ZNF618: variants seen among roughly 807,000 people sequenced by gnomAD.
ZNF618 encodes the protein neural precursor cell expressed, developmentally down-regulated 10.
ZNF618 carries 34 observed loss-of-function variants against 103.0 expected under a neutral mutation model. The observed-to-expected ratio is 0.33, with a 90% CI of 0.25 to 0.44. ZNF618 has a LOEUF of 0.44. ZNF618 is among the 20% of genes least tolerant of loss of function. The pLI is 1.00. For missense variants in ZNF618, 1,059 were observed against 1,295.4 expected, an observed-to-expected ratio of 0.82 and a Z score of 2.80; for synonymous variants, 551 against 542.2, an observed-to-expected ratio of 1.02 and a Z score of -0.23.
At chr9:113,889,405 G>A (rs1023475644) in intron 1 of ZNF618, among the ~76,000 whole-genome samples, 3 of 150,416 alleles carry the variant, frequency 2.0e-5, no homozygotes, top group African/African-American at 4.9e-5. Context: ...TATATGGCTA[G>A]ACTTCTTACG....
At position 113,968,045 on chromosome 9, in the gene ZNF618, G is replaced by C. The variant is rs540404818; in HGVS notation, c.34-1072G>C. 9.2e-5 allele frequency among the ~76,000 whole-genome samples: 14 copies of C among 152,258 alleles called. No individual in the cohort carries two copies. The South Asian group carries it at 2.9e-3, about 32-fold the overall frequency. Reference sequence around the variant, plus strand: ...ACTCATCAAAAGGTGTTTTATTTCAGGTCCTCAGTCCTTCATCCGCAATCC... The same window carrying C: ...ACTCATCAAAAGGTGTTTTATTTCACGTCCTCAGTCCTTCATCCGCAATCC... On this transcript the variant is annotated intron_variant, in intron 1 of 14. Transcript: ENST00000374126.
rs139394699 is a variant in ZNF618, at chr9:114,051,200, C to T, written c.*1033C>T. On this transcript the variant is annotated 3_prime_UTR_variant, in exon 15 of 15. Coordinates refer to ENST00000374126, the MANE Select transcript of ZNF618 (RefSeq NM_001318042.2). Reference sequence around the variant, plus strand: ...TTTTTTACTTGCCCCTTTTGTTCCTCAAGTCACACTGTAAACTAGCTCATC... The same window carrying T: ...TTTTTTACTTGCCCCTTTTGTTCCTTAAGTCACACTGTAAACTAGCTCATC... 6.5e-5 allele frequency: 10 copies of T among 152,672 alleles called. No homozygotes were observed. The highest frequency in any genetic ancestry group is 2.4e-4 in the African/African-American group (10 of 41,520). The allele number at this position is 152,672 out of a possible 1,614,324, so 9.5% of individuals were successfully genotyped here.
chr9:113,947,403 G>C (rs1835144284), intron 1 of ZNF618, among the ~76,000 whole-genome samples: 1 of 152,146 alleles, frequency 6.6e-6, no homozygotes, highest in South Asian at 2.1e-4. Flanking sequence ...GAGCACATGT[G>C]ATGGTGGGAA....
chr9:113,889,317 A>ATCTCTC (rs10627696), intron 1 of ZNF618, among the ~76,000 whole-genome samples: 26,989 of 139,172 alleles, frequency 0.19, 2,778 homozygotes, highest in Admixed American at 0.25. Context: ...CCCCGCTACC[A>ATCTCTC]TCTCTCTCTC....
At chr9:114,002,324 C>T (rs1401418642) in intron 5 of ZNF618, among the ~76,000 whole-genome samples, 3 of 152,212 alleles carry the variant, frequency 2.0e-5, no homozygotes, top group Non-Finnish European at 2.9e-5. Context: ...ACCCCCTGCT[C>T]CCCACTGGCC....
rs113425093 is a variant in ZNF618 at position 114,012,771 on chromosome 9, T to C, written c.755-3924T>C. On this transcript the variant is annotated intron_variant, in intron 9 of 14. Transcript: ENST00000374126. ...AGATGAAGATAATGAGAGGAAAATA[T>C]GATAAATGGGGAGAACAGGGAGCCG... is the stretch of plus-strand genomic sequence containing the variant. Among the ~76,000 whole-genome samples the C allele has an allele frequency of 3.7e-4, 56 of 152,268 alleles. 1 individual carries two copies. Among genetic ancestry groups the C allele is most frequent in the Non-Finnish European group, 7.9e-4 (54 of 68,014 alleles).
In ZNF618 at chr9:114,047,899, A is replaced by G. The variant is rs1050997053; in HGVS notation, c.1253A>G (p.Asn418Ser). The G allele has an allele frequency of 1.3e-5, 21 of 1,599,130 alleles. No homozygotes were observed. In the South Asian group the frequency reaches 1.7e-4, roughly 13 times the overall value. The change falls in exon 14 of 15, where the codon AAT becomes AGT. Residue 418 changes from asparagine (N) to serine (S), a missense_variant. Coordinates refer to ENST00000374126, the MANE Select transcript of ZNF618 (RefSeq NM_001318042.2). ...LEHMQSHAAD[N>S]ENNIASNQSR... ...GTCCCCTTTGTGCCCACAGCTGACA[A>G]TGAAAACAACATTGCCTCCAACCAG... is the stretch of plus-strand genomic sequence containing the variant.
chr9:113,998,193 C>T, intron 3 of ZNF618, 66 bp from the exon 4 acceptor site: 1 of 1,458,308 alleles, frequency 6.9e-7, no homozygotes, highest in Non-Finnish European at 9.4e-7. Context: ...CCAACTTCGC[C>T]CCTTCCCTAA....
intron 9 of ZNF618, chr9:114,016,212 AC>A (rs752781385): frequency 6.4e-7 from 1 of 1,569,666 alleles, no homozygotes; most frequent in Non-Finnish European, 8.8e-7. Flanking sequence ...GGAAGAAGTG[AC>A]CCCTGCTGCT....
chr9:113,931,125 G>T (rs1347705325), intron 1 of ZNF618, among the ~76,000 whole-genome samples: 1 of 152,234 alleles, frequency 6.6e-6, no homozygotes, highest in African/African-American at 2.4e-5. Flanking sequence ...ATGGTATGTT[G>T]AGTAAGGGCA....
intron 1 of ZNF618, among the ~76,000 whole-genome samples, chr9:113,966,842 A>G (rs1837449373): frequency 6.6e-6 from 1 of 152,236 alleles, no homozygotes; most frequent in South Asian, 2.1e-4. Context: ...GAGTCTCTGC[A>G]AAAGTATTTG....
At chr9:113,968,819 A>T (rs1837673947) in intron 1 of ZNF618, among the ~76,000 whole-genome samples, 1 of 152,216 alleles carries the variant, frequency 6.6e-6, no homozygotes. Flanking sequence ...TCTCAGATTT[A>T]GCTGGTTACT....
intron 1 of ZNF618, among the ~76,000 whole-genome samples, chr9:113,923,663 C>T (rs1032624290): frequency 6.6e-6 from 1 of 152,022 alleles, no homozygotes; most frequent in African/African-American, 2.4e-5. Flanking sequence ...CTTTTTAAAA[C>T]ATTTTTAGGT....
At chr9:113,966,959 C>T (rs923791057) in intron 1 of ZNF618, among the ~76,000 whole-genome samples, 2 of 152,164 alleles carry the variant, frequency 1.3e-5, no homozygotes, top group African/African-American at 4.8e-5. Flanking sequence ...ATCATTCACT[C>T]AATAAAAGAG....
chr9:113,999,319 T>C (rs1384739413), intron 4 of ZNF618, among the ~76,000 whole-genome samples: 104 of 136,224 alleles, frequency 7.6e-4, no homozygotes, highest in African/African-American at 3.1e-3. Context: ...GGGCCCTGGG[T>C]TTTAGGCTGA....
chr9:113,948,055 G>A (rs1327396727), intron 1 of ZNF618, among the ~76,000 whole-genome samples: 1 of 152,198 alleles, frequency 6.6e-6, no homozygotes, highest in Non-Finnish European at 1.5e-5. Flanking sequence ...TGGAAGAGAT[G>A]CTGTTGGCCT....
chr9:114,015,988 G>A (rs967673997), intron 9 of ZNF618: 2 of 817,652 alleles, frequency 2.4e-6, no homozygotes, highest in Non-Finnish European at 4.0e-6. Context: ...GAAGAGTGGG[G>A]ACCAGGGCAC....
chr9:113,967,214 G>A (rs1223691954), intron 1 of ZNF618, among the ~76,000 whole-genome samples: 1 of 152,192 alleles, frequency 6.6e-6, no homozygotes, highest in African/African-American at 2.4e-5. Flanking sequence ...ATTTCCACCC[G>A]TACCACTTCT....
rs1846459101 is a variant in ZNF618, at chr9:114,055,933, G to A, written c.*5766G>A. On this transcript the variant is annotated 3_prime_UTR_variant, in exon 15 of 15. Coordinates refer to ENST00000374126, the MANE Select transcript of ZNF618 (RefSeq NM_001318042.2). ...GGCTCAAGTCTTCACGAGGGGTTTA[G>A]GCAGGGCCATCTTGGGGACCCTGTG... 6.6e-6 allele frequency: 1 copy of A among 152,026 alleles called. No homozygotes were observed. The highest frequency in any genetic ancestry group is 2.4e-5 in the African/African-American group (1 of 41,208). The allele number at this position is 152,026 out of a possible 1,614,324, so 9.4% of individuals were successfully genotyped here. A position where few individuals can be genotyped will look rare whatever the true frequency, so the allele number is the denominator to read the frequency against.
Sources: gnomAD v4.1 joint callset for allele counts (sites outside exome capture counted in the v4.1 genomes callset) on GRCh38, gnomAD v4.1.1 for gene constraint, MANE v1.5 for transcripts, NCBI Gene and HGNC (gene_info 2026-07-23, HGNC 2026-07-21) for gene names.